The following PDAP1 variants were observed in gnomAD, a reference collection of about 807,000 sequenced individuals.
PDAP1 encodes 28 kDa heat- and acid-stable phosphoprotein.
A neutral mutation model predicts 28.0 loss-of-function variants in PDAP1; 13 were observed. That is an observed-to-expected ratio of 0.46 (90% CI 0.30 to 0.74). PDAP1 has a LOEUF of 0.74. Ranked by LOEUF, PDAP1 falls within the 30% of genes least tolerant of loss-of-function variation. The probability of loss-of-function intolerance (pLI) is 0.07; values close to 1 mark genes in which losing one functional copy is unlikely to be tolerated. For synonymous variants in PDAP1, 77 were observed against 85.1 expected (o/e 0.91, Z 0.52); for missense variants, 150 against 230.0 (o/e 0.65, Z 2.25).
chr7:99,406,731 G>C, intron 1 of PDAP1: 2 of 455,372 alleles, frequency 4.4e-6, no homozygotes, highest in Non-Finnish European at 5.8e-6. Context: ...CTGTCTCTGT[G>C]AGCAGAGACT....
intron 5 of PDAP1, 71 bp downstream of exon 5, chr7:99,397,791 A>C (rs1662119662): frequency 1.3e-6 from 2 of 1,562,648 alleles, no homozygotes; most frequent in Non-Finnish European, 1.7e-6. Context: ...CAGGGACACG[A>C]GTTCAGTGCT....
chr7:99,395,018 A>G lies in PDAP1; in HGVS notation c.*1664T>C. 1 of 224,386 alleles carries G rather than the reference A, an allele frequency of 4.5e-6. No homozygotes were observed. Among genetic ancestry groups the G allele is most frequent in the Non-Finnish European group, 8.0e-6 (1 of 125,784 alleles). The allele number at this position is 224,386 out of a possible 1,614,324, so 13.9% of individuals were successfully genotyped here. ...GCCAACAAAATTGATCCTGAAGCCC[A>G]ACGGCCTTATGCCAAATGGTTCCCT... On this transcript the variant is annotated 3_prime_UTR_variant, in exon 6 of 6. Transcript: ENST00000350498.
intron 3 of PDAP1, among the ~76,000 whole-genome samples, chr7:99,402,789 G>A (rs55892982): frequency 2.0e-5 from 3 of 148,488 alleles, no homozygotes; most frequent in Non-Finnish European, 4.4e-5. Context: ...GGCTGGGGCA[G>A]AAGCGCTTGA....
chr7:99,405,629 TG>T (rs1458587048), intron 1 of PDAP1, among the ~76,000 whole-genome samples: 2 of 151,460 alleles, frequency 1.3e-5, no homozygotes, highest in Non-Finnish European at 2.9e-5. Flanking sequence ...CCCAAAGTGC[TG>T]GGATTACAGG....
In PDAP1 at chr7:99,396,039, T is replaced by C. The variant is rs1298229017; in HGVS notation, c.*643A>G. 6.5e-6 allele frequency: 1 copy of C among 153,004 alleles called. No homozygotes were observed. Among genetic ancestry groups the C allele is most frequent in the Non-Finnish European group, 1.5e-5 (1 of 68,294 alleles). The allele number at this position is 153,004 out of a possible 1,614,324, so 9.5% of individuals were successfully genotyped here. ...ATATACAAGTTGAATTTGTGGAGCA[T>C]GTTTTGCCTGGGTGCCACACAGTAA... On this transcript the variant is annotated 3_prime_UTR_variant, in exon 6 of 6. Coordinates refer to ENST00000350498, the MANE Select transcript of PDAP1 (RefSeq NM_014891.7).
intron 3 of PDAP1, 143 bp downstream of exon 3, chr7:99,403,255 T>G: frequency 1.6e-6 from 1 of 619,060 alleles, no homozygotes. Flanking sequence ...TGTTTACTTC[T>G]TTGTTGTATC....
In PDAP1 at chr7:99,394,697, TGAA is replaced by T; in HGVS notation, c.*1982_*1984del. The T allele has an allele frequency of 8.1e-7, 1 of 1,227,950 alleles. No individual in the cohort carries two copies. The highest frequency in any genetic ancestry group is 2.7e-5 in the South Asian group (1 of 37,308). The allele number at this position is 1,227,950 out of a possible 1,614,324, so 76.1% of individuals were successfully genotyped here. A position where few individuals can be genotyped will look rare whatever the true frequency, so the allele number is the denominator to read the frequency against. ...CTTTTTCTTAAATGCTTTCATTTAT[TGAA>T]AAAAAAAAAAAATGCCCCCAAAGCA... On this transcript the variant is annotated 3_prime_UTR_variant, in exon 6 of 6. Coordinates refer to ENST00000350498, the MANE Select transcript of PDAP1 (RefSeq NM_014891.7).
rs1024487697 is a variant in PDAP1, at chr7:99,400,431, C to T, written c.214-7G>A. ...CAACGCCTTTGCGCTTTTGCTAGAA[C>T]AGGGCAAGAAGCTGGTTGTTGGAGT... On this transcript the variant is annotated splice_polypyrimidine_tract_variant and splice_region_variant and intron_variant, in intron 3 of 5. Transcript: ENST00000350498. 3 of 1,614,072 alleles carry T rather than the reference C, an allele frequency of 1.9e-6. No homozygotes were observed. Among genetic ancestry groups the T allele is most frequent in the East Asian group, 4.5e-5 (2 of 44,880 alleles).
intron 1 of PDAP1, chr7:99,406,501 C>A (rs1344526777): frequency 1.1e-6 from 1 of 886,722 alleles, no homozygotes; most frequent in Non-Finnish European, 1.4e-6. Context: ...TGAAAACAAA[C>A]CTGACTACAC....
At position 99,397,860 on chromosome 7, in the gene PDAP1, A is replaced by G; in HGVS notation, c.487+2T>C. ...TCCCTGCGTGCGCAGCCCAGCCCTT[A>G]CCTTTCCTTTCCTCTTCCTTCTTCC... is the stretch of plus-strand genomic sequence containing the variant. On this transcript the variant is annotated splice_donor_variant, in intron 5 of 5. Coordinates refer to ENST00000350498, the MANE Select transcript of PDAP1 (RefSeq NM_014891.7). LOFTEE classifies it high-confidence loss of function. The G allele has an allele frequency of 6.2e-7, 1 of 1,612,126 alleles. No homozygotes were observed. Among genetic ancestry groups the G allele is most frequent in the South Asian group, 1.1e-5 (1 of 90,998 alleles).
rs956167343 is a variant in PDAP1 at position 99,394,764 on chromosome 7, T to A, written c.*1918A>T. 5.5e-5 allele frequency: 62 copies of A among 1,119,266 alleles called. No homozygotes were observed. In the African/African-American group the frequency reaches 6.1e-4, roughly 11 times the overall value. The allele number at this position is 1,119,266 out of a possible 1,614,324, so 69.3% of individuals were successfully genotyped here. On this transcript the variant is annotated 3_prime_UTR_variant, in exon 6 of 6. Coordinates refer to ENST00000350498, the MANE Select transcript of PDAP1 (RefSeq NM_014891.7). ...GAACTGCTTCAAAATGTGGAGGTAA[T>A]AAAATGCAACTGTGTAAAAAAAAAA... is the stretch of plus-strand genomic sequence containing the variant.
intron 3 of PDAP1, among the ~76,000 whole-genome samples, chr7:99,401,498 T>C (rs1449952983): frequency 6.6e-6 from 1 of 152,072 alleles, no homozygotes; most frequent in Non-Finnish European, 1.5e-5. Context: ...ACTAATTTTG[T>C]ATTTTTAGTA....
intron 1 of PDAP1, 130 bp downstream of exon 1, chr7:99,408,406 C>G: frequency 1.2e-6 from 1 of 827,084 alleles, no homozygotes. Context: ...AGGCCCAGGC[C>G]TGGCTCTCAG....
At chr7:99,406,980 G>A (rs149038640) in intron 1 of PDAP1, among the ~76,000 whole-genome samples, 7 of 152,272 alleles carry the variant, frequency 4.6e-5, no homozygotes, top group African/African-American at 1.7e-4. Flanking sequence ...TAATACACCA[G>A]GCAACAGTAA....
At chr7:99,403,573 C>T in intron 2 of PDAP1, 68 bp from the exon 3 acceptor site, 1 of 986,202 alleles carries the variant, frequency 1.0e-6, no homozygotes, top group Admixed American at 1.7e-5. Context: ...GTGACCCTAT[C>T]ACCCCCCAGA....
Position 99,404,911 on chromosome 7 carries a change from C to A in PDAP1, c.56G>T (p.Ser19Ile). 2 of 1,613,906 alleles carry A rather than the reference C, an allele frequency of 1.2e-6. No homozygotes were observed. The highest frequency in any genetic ancestry group is 1.7e-6 in the Non-Finnish European group (2 of 1,179,998). Residue 19 changes from serine (S) to isoleucine (I), a missense_variant, in exon 2 of 6, where the codon AGC (serine) becomes ATC (isoleucine). Physicochemically the swap from Ser to Ile is moderately radical, Grantham distance 142. Transcript: ENST00000350498. ...GHKGRARQYT[S>I]PEEIDAQLQA... ...CAGCTGCGCGTCGATCTCCTCAGGG[C>A]TTGTATACTGCCTCGCCCGGCCTTT...
chr7:99,398,657 T>C lies in PDAP1; in HGVS notation c.336-644A>G, dbSNP rs531233379. Reference sequence around the variant, plus strand: ...AGTTCAAGGCTGCAGTGAGCTACAATTGCACCACTGCACTCCAGCCTGGGT... The same window carrying C: ...AGTTCAAGGCTGCAGTGAGCTACAACTGCACCACTGCACTCCAGCCTGGGT... On this transcript the variant is annotated intron_variant, in intron 4 of 5. Coordinates refer to ENST00000350498, the MANE Select transcript of PDAP1 (RefSeq NM_014891.7). Among the ~76,000 whole-genome samples the C allele has an allele frequency of 3.7e-4, 57 of 152,204 alleles. No individual in the cohort carries two copies. The East Asian group carries it at 8.1e-3, about 22-fold the overall frequency.
At position 99,408,551 on chromosome 7, in the gene PDAP1, C is replaced by A. The variant is rs1056523586; in HGVS notation, c.-3G>T. The A allele has an allele frequency of 7.8e-7, 1 of 1,277,472 alleles. No homozygotes were observed. Among genetic ancestry groups the A allele is most frequent in the Non-Finnish European group, 9.9e-7 (1 of 1,009,698 alleles). The allele number at this position is 1,277,472 out of a possible 1,614,324, so 79.1% of individuals were successfully genotyped here. On this transcript the variant is annotated 5_prime_UTR_variant, in exon 1 of 6. Coordinates refer to ENST00000350498, the MANE Select transcript of PDAP1 (RefSeq NM_014891.7). ...CGCCCCTCACCTCCTTTAGGCATTG[C>A]GGCTCCGGCGGCTGCGGCGGCGGCG...
At chr7:99,408,386 T>A in intron 1 of PDAP1, 150 bp downstream of exon 1, 1 of 597,768 alleles carries the variant, frequency 1.7e-6, no homozygotes. Context: ...ATCGGGACAA[T>A]TGGGCGTCGA....
Sources: allele counts gnomAD v4.1 joint callset (sites outside exome capture counted in the v4.1 genomes callset), GRCh38; gene constraint gnomAD v4.1.1; transcripts MANE v1.5; gene names NCBI Gene and HGNC (gene_info 2026-07-23, HGNC 2026-07-21).